Variants in ZNF138 observed in about 807,000 individuals in gnomAD.
ZNF138 encodes zinc finger protein 138 (clone pHZ-32).
Under a neutral mutation model 33.0 loss-of-function variants are expected in ZNF138, and 33 were observed. The ratio of observed to expected loss-of-function variants is 1.00; its 90% CI spans 0.76 to 1.34. The LOEUF is 1.34. Ranked by LOEUF, ZNF138 falls within the 40% of genes most tolerant of loss-of-function variation. The pLI, the probability that ZNF138 is intolerant of heterozygous loss-of-function variation, is 0.00. For missense variants in ZNF138, 360 were observed against 370.8 expected (o/e 0.97, Z 0.24); for synonymous variants, 139 against 120.4 (o/e 1.15, Z -1.01).
intron 1 of ZNF138, among the ~76,000 whole-genome samples, chr7:64,801,877 G>T (rs1787163893): frequency 6.6e-6 from 1 of 152,144 alleles, no homozygotes; most frequent in Non-Finnish European, 1.5e-5. Context: ...AAGCCAAACA[G>T]AAAAGTTAAG....
At chr7:64,859,808 T>C in the ZNF138 span, among the ~76,000 whole-genome samples, 7 of 152,208 alleles carry the variant, frequency 4.6e-5, no homozygotes, top group Non-Finnish European at 4.4e-5. Context: ...AATTAATCTC[T>C]TCTCTCTTTA....
the ZNF138 span, among the ~76,000 whole-genome samples, chr7:64,842,341 C>T: frequency 3.9e-5 from 6 of 152,144 alleles, no homozygotes; most frequent in African/African-American, 9.7e-5. Context: ...GGATTATAGG[C>T]GTGAGCCACT....
chr7:64,840,783 C>A, the ZNF138 span, among the ~76,000 whole-genome samples: 1 of 151,988 alleles, frequency 6.6e-6, no homozygotes, highest in African/African-American at 2.4e-5. Context: ...TGCAAACATA[C>A]AGAATTTTAG....
chr7:64,850,954 A>T, the ZNF138 span, among the ~76,000 whole-genome samples: 1 of 152,134 alleles, frequency 6.6e-6, no homozygotes, highest in African/African-American at 2.4e-5. Flanking sequence ...CTATCCTTTT[A>T]AAAATATATA....
chr7:64,830,669 T>TTG (rs1471928400), intron 3 of ZNF138, among the ~76,000 whole-genome samples: 3 of 152,082 alleles, frequency 2.0e-5, no homozygotes, highest in African/African-American at 7.2e-5. Flanking sequence ...TTTATAATAA[T>TTG]TGATAGGGCT....
rs553402897 is a variant in ZNF138 at position 64,804,424 on chromosome 7, C to T, written c.3+9853C>T. ...TTAAAAGGGACAGGAATTGCTTACT[C>T]GGGGAGCTCAGTTGTTTGGAGTTGT... is the stretch of plus-strand genomic sequence containing the variant. On this transcript the variant is annotated intron_variant, in intron 1 of 3. Coordinates refer to ENST00000307355, the MANE Select transcript of ZNF138 (RefSeq NM_001271639.2). Among the ~76,000 whole-genome samples the T allele has an allele frequency of 2.8e-3, 420 of 152,240 alleles. 3 individuals carry two copies. The highest frequency in any genetic ancestry group is 9.7e-3 in the African/African-American group (402 of 41,552).
chr7:64,824,018 A>T (rs1789377648), intron 3 of ZNF138, among the ~76,000 whole-genome samples: 1 of 152,198 alleles, frequency 6.6e-6, no homozygotes, highest in Non-Finnish European at 1.5e-5. Context: ...AATATTCTGT[A>T]TTCTCTTGCT....
At chr7:64,835,706 G>T (rs1790347951), downstream of ZNF138, 1 of 152,232 alleles carries the variant, frequency 6.6e-6, no homozygotes, top group African/African-American at 2.4e-5. Flanking sequence ...GCTGCGACCT[G>T]TGCTACCGAA....
At chr7:64,815,757 A>C in intron 3 of ZNF138, 104 bp downstream of exon 3, 1 of 1,103,560 alleles carries the variant, frequency 9.1e-7, no homozygotes, top group Non-Finnish European at 1.3e-6. Flanking sequence ...CAAAGGAAAT[A>C]GTTTCTGGAA....
intron 1 of ZNF138, among the ~76,000 whole-genome samples, chr7:64,803,833 C>T (rs1306898898): frequency 6.6e-6 from 1 of 152,056 alleles, no homozygotes; most frequent in Non-Finnish European, 1.5e-5. Flanking sequence ...CAAATTATTA[C>T]AGTAGATATT....
intron 1 of ZNF138, among the ~76,000 whole-genome samples, chr7:64,799,990 G>A (rs1325138941): frequency 6.6e-6 from 1 of 152,168 alleles, no homozygotes; most frequent in Non-Finnish European, 1.5e-5. Context: ...GGATGCTGCT[G>A]ATGTACAGGG....
At chr7:64,851,052 T>G in the ZNF138 span, among the ~76,000 whole-genome samples, 6 of 152,160 alleles carry the variant, frequency 3.9e-5, no homozygotes, top group Non-Finnish European at 8.8e-5. Flanking sequence ...ATGAAATGAT[T>G]TTGTCGAGTT....
the ZNF138 span, among the ~76,000 whole-genome samples, chr7:64,854,716 A>T: frequency 2.0e-5 from 3 of 152,244 alleles, no homozygotes; most frequent in African/African-American, 7.2e-5. Flanking sequence ...CAGATTACTG[A>T]CAAGAAGCAA....
intron 3 of ZNF138, among the ~76,000 whole-genome samples, chr7:64,826,759 T>C (rs1038744803): frequency 3.9e-5 from 6 of 152,132 alleles, no homozygotes; most frequent in Admixed American, 3.3e-4. Flanking sequence ...AAACAATTCT[T>C]GTGCCTCAGC....
At chr7:64,855,925 GC>G in the ZNF138 span, among the ~76,000 whole-genome samples, 2 of 6,438 alleles carry the variant, frequency 3.1e-4, no homozygotes, top group African/African-American at 3.3e-4. Flanking sequence ...CCTCTGCCCG[GC>G]CGCCACCCCA....
At chr7:64,848,736 G>T in the ZNF138 span, among the ~76,000 whole-genome samples, 6 of 116,104 alleles carry the variant, frequency 5.2e-5, no homozygotes, top group South Asian at 1.4e-3. Flanking sequence ...AGACAGTCTC[G>T]CTCTGTCGCC....
the ZNF138 span, among the ~76,000 whole-genome samples, chr7:64,847,332 A>T: frequency 5.7e-4 from 73 of 128,124 alleles, no homozygotes; most frequent in African/African-American, 1.6e-3. Context: ...ATATATATAT[A>T]TTTTTTTTTT....
the ZNF138 span, among the ~76,000 whole-genome samples, chr7:64,839,234 G>A: frequency 6.6e-6 from 1 of 152,238 alleles, no homozygotes; most frequent in Non-Finnish European, 1.5e-5. Flanking sequence ...CAACTGTGCA[G>A]AAGAAAATTA....
chr7:64,844,559 G>T, the ZNF138 span, among the ~76,000 whole-genome samples: 2 of 151,688 alleles, frequency 1.3e-5, no homozygotes, highest in Non-Finnish European at 2.9e-5. Flanking sequence ...GAAAGGTGAG[G>T]CTGGATGAGC....
Sources: allele counts gnomAD v4.1 joint callset (sites outside exome capture counted in the v4.1 genomes callset), GRCh38; gene constraint gnomAD v4.1.1; transcripts MANE v1.5; gene names NCBI Gene and HGNC (gene_info 2026-07-23, HGNC 2026-07-21).